Variants in MRPS6 observed in about 807,000 individuals in gnomAD.
MRPS6 encodes small ribosomal subunit protein bS6m.
Under a neutral mutation model 13.1 loss-of-function variants are expected in MRPS6, and 6 were observed. The observed-to-expected ratio is 0.46, with a 90% CI of 0.25 to 0.91. MRPS6 has a LOEUF of 0.91. MRPS6 is among the 40% of genes least tolerant of loss of function. The pLI, the probability that MRPS6 is intolerant of heterozygous loss-of-function variation, is 0.18. For missense variants in MRPS6, 164 were observed against 155.6 expected (o/e 1.05, Z -0.29); for synonymous variants, 61 against 56.5 (o/e 1.08, Z -0.36).
At chr21:34,074,319 G>A (rs1989269233) in intron 1 of MRPS6, among the ~76,000 whole-genome samples, 1 of 152,106 alleles carries the variant, frequency 6.6e-6, no homozygotes, top group Non-Finnish European at 1.5e-5. Flanking sequence ...TCTTGCAATC[G>A]CTCTCATGTT....
chr21:34,130,374 C>T (rs1469116996), intron 2 of MRPS6, among the ~76,000 whole-genome samples: 4 of 152,120 alleles, frequency 2.6e-5, no homozygotes, highest in Admixed American at 6.6e-5. Context: ...CTGGCAGCAC[C>T]GGGCAGTCTG....
At chr21:34,100,108 C>A in intron 1 of MRPS6, 1 of 999,244 alleles carries the variant, frequency 1.0e-6, no homozygotes, top group Non-Finnish European at 1.2e-6. Context: ...AGCTAAGGTT[C>A]AGAATTGAAG....
chr21:34,076,051 C>G (rs765234059), intron 1 of MRPS6, among the ~76,000 whole-genome samples: 112 of 152,288 alleles, frequency 7.4e-4, no homozygotes, highest in African/African-American at 2.6e-3. Context: ...TACCTCTTTA[C>G]CCCTTTAATA....
At chr21:34,111,372 C>G (rs544728663) in intron 1 of MRPS6, among the ~76,000 whole-genome samples, 1 of 152,300 alleles carries the variant, frequency 6.6e-6, no homozygotes, top group South Asian at 2.1e-4. Flanking sequence ...TCAGAAAGTT[C>G]TAAACTTTAA....
In MRPS6 at chr21:34,103,184, T is replaced by C. The variant is rs540347764; in HGVS notation, c.46-22157T>C. The C allele has an allele frequency of 1.7e-5, 17 of 1,000,020 alleles. No individual in the cohort carries two copies. The South Asian group carries it at 6.6e-4, about 39-fold the overall frequency. 61.9% of individuals were successfully genotyped at this position (1,000,020 alleles called of 1,614,324 possible). A position where few individuals can be genotyped will look rare whatever the true frequency, so the allele number is the denominator to read the frequency against. ...GGTATTCCATAATATAACCAGCTTT[T>C]GAAATTTATGTGTTTGGATTAGTGC... is the stretch of plus-strand genomic sequence containing the variant. On this transcript the variant is annotated intron_variant, in intron 1 of 2. Transcript: ENST00000399312.
In MRPS6 at chr21:34,100,392, G is replaced by A. The variant is rs1292864525; in HGVS notation, c.46-24949G>A. 6.0e-6 allele frequency: 6 copies of A among 999,974 alleles called. No homozygotes were observed. In the South Asian group the frequency reaches 1.4e-4, roughly 23 times the overall value. 61.9% of individuals were successfully genotyped at this position (999,974 alleles called of 1,614,324 possible). A position where few individuals can be genotyped will look rare whatever the true frequency, so the allele number is the denominator to read the frequency against. On this transcript the variant is annotated intron_variant, in intron 1 of 2. Transcript: ENST00000399312. ...CCCCCAGAGAGTAAACACTTGAGCC[G>A]ATTTCTTCTTCCCCAGCTATTCTTT...
intron 1 of MRPS6, among the ~76,000 whole-genome samples, chr21:34,078,486 T>G (rs1243946304): frequency 6.6e-6 from 1 of 152,168 alleles, no homozygotes; most frequent in Non-Finnish European, 1.5e-5. Flanking sequence ...CACTAATTTT[T>G]TTTCTTAATT....
chr21:34,108,747 G>C (rs769704255), intron 1 of MRPS6, among the ~76,000 whole-genome samples: 7 of 152,140 alleles, frequency 4.6e-5, no homozygotes, highest in Non-Finnish European at 8.8e-5. Flanking sequence ...TAGAATTCTG[G>C]GTTAGAAAGC....
At chr21:34,112,370 G>A (rs1046021711) in intron 1 of MRPS6, among the ~76,000 whole-genome samples, 2 of 152,100 alleles carry the variant, frequency 1.3e-5, no homozygotes, top group Admixed American at 6.6e-5. Flanking sequence ...GAATGCGAGC[G>A]ATACCTATGG....
At chr21:34,084,996 C>T (rs996353035) in intron 1 of MRPS6, among the ~76,000 whole-genome samples, 3 of 152,128 alleles carry the variant, frequency 2.0e-5, no homozygotes, top group South Asian at 2.1e-4. Flanking sequence ...GGGCCTTCCT[C>T]CTAACCACAA....
At chr21:34,107,641 A>G (rs1373826421) in intron 1 of MRPS6, among the ~76,000 whole-genome samples, 5 of 151,900 alleles carry the variant, frequency 3.3e-5, no homozygotes, top group African/African-American at 9.7e-5. Context: ...GATGGGGAGG[A>G]TACTGTACTC....
intron 2 of MRPS6, among the ~76,000 whole-genome samples, chr21:34,125,947 T>C (rs111741812): frequency 0.012 from 1,753 of 152,314 alleles, 38 homozygotes; most frequent in South Asian, 0.081. Context: ...ATGATCACAG[T>C]TTGGAATTTT....
At chr21:34,098,372 A>G in intron 1 of MRPS6, 3 of 1,000,260 alleles carry the variant, frequency 3.0e-6, no homozygotes, top group Non-Finnish European at 2.4e-6. Context: ...GGATTGCTCT[A>G]CTTGATTAGA....
intron 1 of MRPS6, chr21:34,099,262 G>T: frequency 2.0e-6 from 2 of 1,000,128 alleles, no homozygotes; most frequent in Non-Finnish European, 2.4e-6. Flanking sequence ...TCATTTTCTT[G>T]TTTGGAAGTT....
At chr21:34,078,336 A>G (rs898299916) in intron 1 of MRPS6, among the ~76,000 whole-genome samples, 1 of 152,186 alleles carries the variant, frequency 6.6e-6, no homozygotes, top group African/African-American at 2.4e-5. Flanking sequence ...TGCCGCAGCA[A>G]GCTATTGAAG....
At chr21:34,089,744 T>C (rs1311706914) in intron 1 of MRPS6, among the ~76,000 whole-genome samples, 1 of 152,220 alleles carries the variant, frequency 6.6e-6, no homozygotes, top group Non-Finnish European at 1.5e-5. Context: ...CCCTCCCTAC[T>C]CTGCCTCAAC....
intron 1 of MRPS6, among the ~76,000 whole-genome samples, 153 bp downstream of exon 1, chr21:34,073,898 G>A (rs1431053594): frequency 6.9e-6 from 1 of 145,634 alleles, no homozygotes; most frequent in African/African-American, 2.5e-5. Context: ...GGCGTCCGCG[G>A]GAAGGGGGCG....
Position 34,099,955 on chromosome 21 carries a change from C to A in MRPS6, c.46-25386C>A, listed in dbSNP as rs535887067. 22 of 442,706 alleles carry A rather than the reference C, an allele frequency of 5.0e-5. No homozygotes were observed. In the Admixed American group the frequency reaches 1.0e-3, roughly 21 times the overall value. The allele number at this position is 442,706 out of a possible 1,614,324, so 27.4% of individuals were successfully genotyped here. ...AGGGACCAGTCTTCAATCTATATTT[C>A]ATTAGAATGATTGTTCCTGGAATGA... is the stretch of plus-strand genomic sequence containing the variant. On this transcript the variant is annotated intron_variant, in intron 1 of 2. Transcript: ENST00000399312.
chr21:34,099,867 T>TACTGGGAAGCAATAAGAAA, intron 1 of MRPS6: 1 of 409,226 alleles, frequency 2.4e-6, no homozygotes, highest in Non-Finnish European at 3.4e-6. Context: ...TCTTTCTTAT[T>TACTGGGAAGCAATAAGAAA]GCTTCCCAGT....
Sources: gnomAD v4.1 joint callset for allele counts (sites outside exome capture counted in the v4.1 genomes callset) on GRCh38, gnomAD v4.1.1 for gene constraint, MANE v1.5 for transcripts, NCBI Gene and HGNC (gene_info 2026-07-23, HGNC 2026-07-21) for gene names.